RNF31: variants seen among roughly 807,000 people sequenced by gnomAD.
The protein encoded by RNF31 is E3 ubiquitin-protein ligase RNF31.
RNF31 carries 38 observed loss-of-function variants against 133.6 expected under a neutral mutation model. The observed-to-expected ratio is 0.28, with a 90% confidence interval of 0.22 to 0.37. RNF31 has a LOEUF of 0.37. Among genes scored for constraint, RNF31 ranks in the 10% least tolerant of loss-of-function variants. The probability of loss-of-function intolerance (pLI) is 1.00; values close to 1 mark genes in which losing one functional copy is unlikely to be tolerated. For missense variants in RNF31, 1,118 were observed against 1,394.1 expected (o/e 0.80, Z 3.15); for synonymous variants, 582 against 552.3 (o/e 1.05, Z -0.75).
At chr14:24,147,955 C>T in intron 1 of RNF31, 21 bp from the exon 2 acceptor site, 9 of 1,614,194 alleles carry the variant, frequency 5.6e-6, no homozygotes, top group Non-Finnish European at 6.8e-6. Flanking sequence ...GCTCACACCT[C>T]TCTGCTCTCC....
intron 18 of RNF31, among the ~76,000 whole-genome samples, chr14:24,158,900 G>T (rs887375602): frequency 5.3e-5 from 8 of 151,894 alleles, no homozygotes; most frequent in South Asian, 2.1e-4. Flanking sequence ...GGGCGTGGTG[G>T]CGGGCGCCTG....
rs80028528 is a variant in RNF31, at chr14:24,154,219, G to A, written c.2131-938G>A. On this transcript the variant is annotated intron_variant, in intron 11 of 20. Coordinates refer to ENST00000324103, the MANE Select transcript of RNF31 (RefSeq NM_017999.5). ...GTTGCCCAGCCTGGAGTGCAATGGT[G>A]CGATCTCGGCTCACTGCAGCCTCCG... is the stretch of plus-strand genomic sequence containing the variant. 0.013 allele frequency among the ~76,000 whole-genome samples: 2,040 copies of A among 151,994 alleles called. 68 individuals carry two copies. The East Asian group carries it at 0.14, about 11-fold the overall frequency.
At chr14:24,154,968 A>AT in intron 11 of RNF31, 189 bp from the exon 12 acceptor site, 1 of 593,462 alleles carries the variant, frequency 1.7e-6, no homozygotes, top group African/African-American at 1.9e-5. Flanking sequence ...ACCATTGTCT[A>AT]TTTTCCTCCA....
chr14:24,155,706 A>G lies in RNF31; in HGVS notation c.2493+14A>G. 2 of 1,610,802 alleles carry G rather than the reference A, an allele frequency of 1.2e-6. No homozygotes were observed. Among genetic ancestry groups the G allele is most frequent in the Non-Finnish European group, 1.7e-6 (2 of 1,177,262 alleles). The stretch of plus-strand genomic sequence containing the variant: ...TGCAAGCGCCAGGTGAGGCACATTC[A>G]TCCTTTCAGAAATACTTGCTGAGCT... On this transcript the variant is annotated intron_variant, in intron 14 of 20. Coordinates refer to ENST00000324103, the MANE Select transcript of RNF31 (RefSeq NM_017999.5). This position sits in a 1 kb window ranked among gnomAD's most constrained non-coding sequence, Gnocchi z 4.9.
chr14:24,150,765 A>AC lies in RNF31; in HGVS notation c.1371dup (p.Lys458GlnfsTer9). 6 of 1,587,610 alleles carry AC rather than the reference A, an allele frequency of 3.8e-6. No individual in the cohort carries two copies. Among genetic ancestry groups the AC allele is most frequent in the Non-Finnish European group, 5.1e-6 (6 of 1,165,852 alleles). ...CCTATGCCAGCTCTTTGGAAAAGGGACCCCCCAAGCCTGGGCCCCCACGAC... is the reference window on the plus strand; with the variant it reads ...CCTATGCCAGCTCTTTGGAAAAGGGACCCCCCCAAGCCTGGGCCCCCACGAC... On this transcript the variant is annotated frameshift_variant, in exon 8 of 21. Coordinates refer to ENST00000324103, the MANE Select transcript of RNF31 (RefSeq NM_017999.5). LOFTEE classifies it high-confidence loss of function.
chr14:24,160,500 C>T lies in RNF31; in HGVS notation c.3166-20C>T, dbSNP rs74912998. 12,919 of 1,556,440 alleles carry T rather than the reference C, an allele frequency of 8.3e-3. 937 individuals carry two copies. In the African/African-American group the frequency reaches 0.16, roughly 19 times the overall value. ...GAGCTCCAGGCTTCCAATATCATTA[C>T]CTTCTCTCTCCTTCTGCAGAAGCTG... On this transcript the variant is annotated intron_variant, in intron 20 of 20. Transcript: ENST00000324103. The surrounding 1 kb of genome is among the most constrained non-coding windows in gnomAD (Gnocchi z 4.0).
intron 18 of RNF31, among the ~76,000 whole-genome samples, 162 bp downstream of exon 18, chr14:24,158,361 G>A (rs543047839): frequency 6.6e-6 from 1 of 152,374 alleles, no homozygotes; most frequent in Admixed American, 6.5e-5. Context: ...AATGGAGGTA[G>A]TATCCACCTT....
intron 11 of RNF31, among the ~76,000 whole-genome samples, chr14:24,153,052 G>A (rs2139084030): frequency 6.6e-6 from 1 of 151,702 alleles, no homozygotes; most frequent in Middle Eastern, 3.4e-3. Flanking sequence ...CTGCACTCCA[G>A]CCTGGGCAAC....
upstream of RNF31, chr14:24,146,887 A>G: frequency 2.0e-6 from 1 of 505,296 alleles, no homozygotes; most frequent in South Asian, 2.3e-5. Flanking sequence ...AGCTAGGGCC[A>G]ACTGGAAGTC....
chr14:24,159,937 A>G lies in RNF31; in HGVS notation c.2973A>G (p.Pro991=). The change falls in exon 19 of 21, where the codon CCA becomes CCG. Residue 991 remains proline (P), a synonymous_variant. Transcript: ENST00000324103. ...ACGAAGCTTGTGGCAAGGAAACTCC[A>G]GCTGGCTATGCCGGCCTGTGCCAGT... ...LRDEACGKET[P]AGYAGLCQAH... 1.2e-6 allele frequency: 2 copies of G among 1,614,012 alleles called. No individual in the cohort carries two copies. Among genetic ancestry groups the G allele is most frequent in the African/African-American group, 1.3e-5 (1 of 75,084 alleles).
chr14:24,159,490 T>C (rs1222099374), intron 18 of RNF31, among the ~76,000 whole-genome samples: 1 of 145,654 alleles, frequency 6.9e-6, no homozygotes, highest in Non-Finnish European at 1.5e-5. Flanking sequence ...CCAAACAACA[T>C]AGTGAGACCC....
At position 24,150,764 on chromosome 14, in the gene RNF31, G is replaced by T. The variant is rs779057611; in HGVS notation, c.1364G>T (p.Gly455Val). The change falls in exon 8 of 21, where the codon GGA (glycine) becomes GTA (valine). Residue 455 changes from glycine (G) to valine (V), a missense_variant. Physicochemically the swap from Gly to Val is moderately radical, Grantham distance 109. Coordinates refer to ENST00000324103, the MANE Select transcript of RNF31 (RefSeq NM_017999.5). The part of the protein sequence containing the change: ...PRPYASSLEK[G>V]PPKPGPPRRL... Reference sequence around the variant, plus strand: ...CCCTATGCCAGCTCTTTGGAAAAGGGACCCCCCAAGCCTGGGCCCCCACGA... The same window carrying T: ...CCCTATGCCAGCTCTTTGGAAAAGGTACCCCCCAAGCCTGGGCCCCCACGA... 3.1e-6 allele frequency: 5 copies of T among 1,612,218 alleles called. No homozygotes were observed. The African/African-American group carries it at 6.7e-5, about 22-fold the overall frequency.
Position 24,151,018 on chromosome 14 carries a change from G to A in RNF31, c.1489-113G>A. The A allele has an allele frequency of 1.3e-6, 2 of 1,534,352 alleles. No homozygotes were observed. Among genetic ancestry groups the A allele is most frequent in the Non-Finnish European group, 1.8e-6 (2 of 1,133,626 alleles). On this transcript the variant is annotated intron_variant, in intron 8 of 20. Transcript: ENST00000324103. This position sits in a 1 kb window ranked among gnomAD's most constrained non-coding sequence, Gnocchi z 5.3. ...GCCTGTTACTGAGGCAGTTACCATT[G>A]CTGTACACTGATGACATGATCCATA...
intron 14 of RNF31, among the ~76,000 whole-genome samples, chr14:24,156,607 C>T (rs1031927876): frequency 5.9e-5 from 9 of 151,988 alleles, no homozygotes; most frequent in Admixed American, 1.3e-4. Context: ...GGTGAAACCC[C>T]GTCTCTACTA....
At chr14:24,146,888 A>G (rs1476563551), upstream of RNF31, 18 of 501,740 alleles carry the variant, frequency 3.6e-5, no homozygotes, top group Admixed American at 1.0e-4. Context: ...GCTAGGGCCA[A>G]CTGGAAGTCC....
At chr14:24,153,405 C>T (rs947462270) in intron 11 of RNF31, among the ~76,000 whole-genome samples, 3 of 151,808 alleles carry the variant, frequency 2.0e-5, no homozygotes, top group Admixed American at 6.6e-5. Flanking sequence ...GGTGAAACCC[C>T]GTCTCTACTA....
chr14:24,157,202 G>GA (rs1031874116), intron 14 of RNF31, 88 bp from the exon 15 acceptor site: 13 of 936,592 alleles, frequency 1.4e-5, no homozygotes, highest in Admixed American at 5.4e-5. Flanking sequence ...CCAAGCTGGG[G>GA]AACCACTGGA....
Position 24,160,394 on chromosome 14 carries a change from C to T in RNF31, c.3152C>T (p.Ala1051Val), listed in dbSNP as rs765798875. The change falls in exon 20 of 21, where the codon GCC becomes GTC. Residue 1051 changes from alanine (A) to valine (V), a missense_variant. This residue lies in a region of RNF31 where 170 missense variants were observed against 194.5 expected (regional missense o/e 0.87). Coordinates refer to ENST00000324103, the MANE Select transcript of RNF31 (RefSeq NM_017999.5). The surrounding 1 kb of genome is among the most constrained non-coding windows in gnomAD (Gnocchi z 4.0). ...LAGEDPPAYQ[A>V]RLLQKLTEEV... ...GGAGAGGATCCCCCTGCTTACCAGG[C>T]CCGCTTGTTACAGGTATAGCCTCCA... The T allele has an allele frequency of 3.1e-6, 5 of 1,614,110 alleles. No homozygotes were observed. In the Admixed American group the frequency reaches 8.3e-5, roughly 27 times the overall value.
chr14:24,149,644 T>C, intron 6 of RNF31, 61 bp downstream of exon 6: 1 of 1,505,400 alleles, frequency 6.6e-7, no homozygotes, highest in South Asian at 1.2e-5. Context: ...CACTTGATTA[T>C]GGACTACCTG....
Sources: gnomAD v4.1 joint callset for allele counts (sites outside exome capture counted in the v4.1 genomes callset) on GRCh38, gnomAD v4.1.1 for gene constraint, gnomAD v4.1.1 regional missense constraint, Gnocchi (gnomAD v3.1) non-coding constraint, MANE v1.5 for transcripts, NCBI Gene and HGNC (gene_info 2026-07-23, HGNC 2026-07-21) for gene names.